SPECC1L: variants seen among roughly 807,000 people sequenced by gnomAD.
The protein encoded by SPECC1L is sperm antigen with calponin homology and coiled-coil domains 1 like.
SPECC1L carries 40 observed loss-of-function variants against 116.8 expected under a neutral mutation model. The ratio of observed to expected loss-of-function variants is 0.34; its 90% CI spans 0.27 to 0.45. The LOEUF (loss-of-function observed/expected upper bound fraction) is 0.45. Ranked by LOEUF, SPECC1L falls within the 20% of genes least tolerant of loss-of-function variation. The pLI, the probability that SPECC1L is intolerant of heterozygous loss-of-function variation, is 1.00. For synonymous variants in SPECC1L, 504 were observed against 500.6 expected (o/e 1.01, Z -0.09); for missense variants, 1,110 against 1,373.6 (o/e 0.81, Z 3.03).
At chr22:24,395,976 G>A (rs2042360428) in intron 14 of SPECC1L, among the ~76,000 whole-genome samples, 1 of 152,156 alleles carries the variant, frequency 6.6e-6, no homozygotes, top group Non-Finnish European at 1.5e-5. Context: ...TTAAAAAAAG[G>A]CTTTGATCTT....
At chr22:24,271,329 C>A (rs1406432589) in intron 1 of SPECC1L, among the ~76,000 whole-genome samples, 6 of 152,234 alleles carry the variant, frequency 3.9e-5, no homozygotes, top group Admixed American at 3.3e-4. Context: ...GCCTTTCCGC[C>A]GCTCCGGGAG....
chr22:24,296,297 G>C (rs533694759), intron 2 of SPECC1L, among the ~76,000 whole-genome samples: 1 of 152,332 alleles, frequency 6.6e-6, no homozygotes, highest in African/African-American at 2.4e-5. Flanking sequence ...ACAGGACATG[G>C]TGCTTGCTGT....
intron 3 of SPECC1L, among the ~76,000 whole-genome samples, chr22:24,310,142 T>G (rs1240703505): frequency 6.6e-6 from 1 of 152,254 alleles, no homozygotes; most frequent in Non-Finnish European, 1.5e-5. Flanking sequence ...TCTTTTCACT[T>G]AATGTACTCT....
intron 2 of SPECC1L, among the ~76,000 whole-genome samples, chr22:24,299,057 C>T (rs2049323414): frequency 1.3e-5 from 2 of 152,102 alleles, no homozygotes; most frequent in South Asian, 4.1e-4. Context: ...GTATTTGTAG[C>T]TGTGAAATTC....
chr22:24,401,007 G>A (rs940053356), intron 14 of SPECC1L, among the ~76,000 whole-genome samples: 10 of 152,210 alleles, frequency 6.6e-5, no homozygotes, highest in South Asian at 2.1e-4. Context: ...CAACCCTCCT[G>A]TACATAGCCC....
chr22:24,376,330 T>G (rs542193356), intron 14 of SPECC1L, among the ~76,000 whole-genome samples: 68 of 152,136 alleles, frequency 4.5e-4, no homozygotes, highest in Non-Finnish European at 8.5e-4. Context: ...CCAGCTTATA[T>G]CTAGAAAACC....
intron 14 of SPECC1L, among the ~76,000 whole-genome samples, chr22:24,393,970 CT>C (rs566035312): frequency 1.6e-3 from 248 of 152,292 alleles, no homozygotes; most frequent in Non-Finnish European, 1.7e-3. Context: ...GCTCCTTTCA[CT>C]TAGCACATTG....
chr22:24,353,879 C>A (rs1414046752), intron 11 of SPECC1L, among the ~76,000 whole-genome samples: 2 of 152,108 alleles, frequency 1.3e-5, no homozygotes, highest in African/African-American at 4.8e-5. Flanking sequence ...TTGTGTTAGT[C>A]CATTCTTGGA....
chr22:24,285,360 T>C (rs1341362869), intron 2 of SPECC1L, among the ~76,000 whole-genome samples: 3 of 152,236 alleles, frequency 2.0e-5, no homozygotes, highest in African/African-American at 7.2e-5. Flanking sequence ...GTGGTTCTTA[T>C]AGCATCCTAT....
intron 6 of SPECC1L, among the ~76,000 whole-genome samples, chr22:24,327,296 A>AAAAAAAAAAAAAGC (rs1556236760): frequency 6.7e-6 from 1 of 149,958 alleles, no homozygotes; most frequent in Non-Finnish European, 1.5e-5. Context: ...AAAAAAAAAA[A>AAAAAAAAAAAAAGC]AAAAAACATC....
At chr22:24,312,907 C>T (rs997162068) in intron 3 of SPECC1L, among the ~76,000 whole-genome samples, 2 of 152,194 alleles carry the variant, frequency 1.3e-5, no homozygotes, top group Non-Finnish European at 2.9e-5. Context: ...ATACTGGCCT[C>T]ATCATGGAAT....
chr22:24,366,061 G>A (rs1487183384), intron 13 of SPECC1L, among the ~76,000 whole-genome samples: 1 of 152,052 alleles, frequency 6.6e-6, no homozygotes, highest in African/African-American at 2.4e-5. Flanking sequence ...GAGGAGTATG[G>A]AGGGGGATGC....
chr22:24,381,420 A>G (rs745787819), intron 14 of SPECC1L, among the ~76,000 whole-genome samples: 3 of 152,208 alleles, frequency 2.0e-5, no homozygotes, highest in Non-Finnish European at 4.4e-5. Flanking sequence ...TTGAGAATAC[A>G]GTTTTATTGG....
At chr22:24,279,385 TG>T (rs2048898199) in intron 2 of SPECC1L, among the ~76,000 whole-genome samples, 1 of 152,148 alleles carries the variant, frequency 6.6e-6, no homozygotes, top group Non-Finnish European at 1.5e-5. Flanking sequence ...AATTTGACTT[TG>T]TTTACTTTTT....
intron 2 of SPECC1L, among the ~76,000 whole-genome samples, chr22:24,289,483 T>A (rs1185474264): frequency 6.6e-6 from 1 of 151,370 alleles, no homozygotes; most frequent in Non-Finnish European, 1.5e-5. Flanking sequence ...CATTATTTTT[T>A]AAAAAGTAGA....
intron 11 of SPECC1L, among the ~76,000 whole-genome samples, chr22:24,362,412 C>T (rs1178955557): frequency 6.6e-6 from 1 of 152,172 alleles, no homozygotes; most frequent in East Asian, 1.9e-4. Flanking sequence ...GTTTAGAGAA[C>T]AAGGGAGGAG....
chr22:24,388,553 C>T (rs1472288290), intron 14 of SPECC1L, among the ~76,000 whole-genome samples: 1 of 151,954 alleles, frequency 6.6e-6, no homozygotes, highest in Admixed American at 6.6e-5. Flanking sequence ...CATACGTGTG[C>T]ATGTGTCTTT....
At chr22:24,303,734 C>T (rs1229210185) in intron 3 of SPECC1L, among the ~76,000 whole-genome samples, 2 of 152,092 alleles carry the variant, frequency 1.3e-5, no homozygotes, top group Non-Finnish European at 2.9e-5. Context: ...GGAATTTGGT[C>T]TTGAACAGTG....
At chr22:24,368,794 C>T (rs1033763252) in intron 13 of SPECC1L, among the ~76,000 whole-genome samples, 4 of 152,116 alleles carry the variant, frequency 2.6e-5, no homozygotes, top group Admixed American at 2.0e-4. Flanking sequence ...TTACAGACAC[C>T]CGCCACCATG....
Sources: gnomAD v4.1 joint callset for allele counts (sites outside exome capture counted in the v4.1 genomes callset) on GRCh38, gnomAD v4.1.1 for gene constraint, MANE v1.5 for transcripts, NCBI Gene and HGNC (gene_info 2026-07-23, HGNC 2026-07-21) for gene names.